The following RMC1 variants were observed in gnomAD, a reference collection of about 807,000 sequenced individuals.
The protein encoded by RMC1 is regulator of MON1-CCZ1.
In RMC1, 44 loss-of-function variants were observed where a neutral mutation model predicts 95.5. The observed-to-expected ratio is 0.46, with a 90% CI of 0.36 to 0.59. RMC1 has a LOEUF of 0.59. RMC1 is among the 20% of genes least tolerant of loss of function. The probability of loss-of-function intolerance (pLI) is 0.00; values close to 1 mark genes in which losing one functional copy is unlikely to be tolerated. For synonymous variants in RMC1, 320 were observed against 303.6 expected (o/e 1.05, Z -0.56); for missense variants, 705 against 819.6 (o/e 0.86, Z 1.71).
chr18:23,528,496 C>T (rs533761380), intron 14 of RMC1: 1 of 153,588 alleles, frequency 6.5e-6, no homozygotes, highest in East Asian at 1.9e-4. Flanking sequence ...TCTGATTAGT[C>T]CTAGGCTGAA....
chr18:23,504,343 T>A (rs2057662235), intron 1 of RMC1, 28 bp from the exon 2 acceptor site: 2 of 1,608,922 alleles, frequency 1.2e-6, no homozygotes, highest in East Asian at 4.5e-5. Context: ...GAGTTCAGGC[T>A]GTTAACCTTG....
chr18:23,521,611 T>C (rs1317720193), intron 10 of RMC1, among the ~76,000 whole-genome samples: 1 of 152,006 alleles, frequency 6.6e-6, no homozygotes, highest in Non-Finnish European at 1.5e-5. Context: ...GGGAAAGAAG[T>C]CATTTATTTG....
chr18:23,529,483 C>A, intron 15 of RMC1, 152 bp from the exon 16 acceptor site: 1 of 1,243,866 alleles, frequency 8.0e-7, no homozygotes, highest in Non-Finnish European at 1.1e-6. Flanking sequence ...TAATTGTTGA[C>A]GGGTGGTTCT....
rs1473768997 is a variant in RMC1 at position 23,531,695 on chromosome 18, A to G, written c.1965A>G (p.Thr655=). Reference sequence around the variant, plus strand: ...GAGACCAAGCTCTAATGAGGCCTACAACATTCTGAAATCACTTGCTGTTTT... The same window carrying G: ...GAGACCAAGCTCTAATGAGGCCTACGACATTCTGAAATCACTTGCTGTTTT... The part of the protein sequence containing the change: ...IFGDQALMRP[T]TF The change falls in exon 20 of 20, where the codon ACA becomes ACG. Residue 655 remains threonine (T), a synonymous_variant. Transcript: ENST00000269221. 4.4e-6 allele frequency: 7 copies of G among 1,607,954 alleles called. No homozygotes were observed. The highest frequency in any genetic ancestry group is 2.2e-5 in the South Asian group (2 of 88,900).
intron 12 of RMC1, 53 bp from the exon 13 acceptor site, chr18:23,526,584 C>T: frequency 1.3e-6 from 2 of 1,589,266 alleles, no homozygotes; most frequent in South Asian, 2.3e-5. Flanking sequence ...CACTTTTGGG[C>T]TTTTGTTACG....
rs1406510100 is a variant in RMC1, at chr18:23,503,582, C to T, written c.-37C>T. On this transcript the variant is annotated 5_prime_UTR_variant, in exon 1 of 20. Transcript: ENST00000269221. Reference sequence around the variant, plus strand: ...GCGCATCCTGCTCCACTCTGGCGACCGCCCCCGGGGCCCCCGCCGCGGGCG... The same window carrying T: ...GCGCATCCTGCTCCACTCTGGCGACTGCCCCCGGGGCCCCCGCCGCGGGCG... 1 of 1,500,998 alleles carries T rather than the reference C, an allele frequency of 6.7e-7. No homozygotes were observed. Among genetic ancestry groups the T allele is most frequent in the Non-Finnish European group, 9.0e-7 (1 of 1,113,364 alleles). 93.0% of individuals were successfully genotyped at this position (1,500,998 alleles called of 1,614,324 possible).
At position 23,509,259 on chromosome 18, in the gene RMC1, C is replaced by G; in HGVS notation, c.388C>G (p.Gln130Glu). 6.9e-7 allele frequency: 1 copy of G among 1,445,964 alleles called. No homozygotes were observed. The highest frequency in any genetic ancestry group is 9.1e-7 in the Non-Finnish European group (1 of 1,094,096). The allele number at this position is 1,445,964 out of a possible 1,614,324, so 89.6% of individuals were successfully genotyped here. Residue 130 changes from glutamine to glutamate, a missense_variant, in exon 5 of 20, where the codon CAA becomes GAA. Physicochemically the swap from Gln to Glu is conservative, Grantham distance 29. Transcript: ENST00000269221. Reference sequence around the variant, plus strand: ...AACTGAAATTGTCTTCATAACAGATCAAGGAATCGAATTTTACCAGGTATT... The same window carrying G: ...AACTGAAATTGTCTTCATAACAGATGAAGGAATCGAATTTTACCAGGTATT... ...SSTEIVFITD[Q>E]GIEFYQVLPE...
intron 12 of RMC1, among the ~76,000 whole-genome samples, chr18:23,525,822 T>C (rs1022589513): frequency 6.6e-6 from 1 of 152,212 alleles, no homozygotes; most frequent in African/African-American, 2.4e-5. Context: ...TGTTACTCTT[T>C]AATCCTCTGT....
intron 3 of RMC1, among the ~76,000 whole-genome samples, chr18:23,507,353 A>G (rs1171665442): frequency 1.3e-5 from 2 of 152,182 alleles, no homozygotes; most frequent in Non-Finnish European, 2.9e-5. Context: ...TCGATCTCTC[A>G]GGCTCAAGTG....
intron 9 of RMC1, among the ~76,000 whole-genome samples, chr18:23,519,625 GT>G (rs1457983975): frequency 2.6e-5 from 4 of 152,150 alleles, no homozygotes; most frequent in Non-Finnish European, 4.4e-5. Context: ...GTCTCAAGTA[GT>G]TTAGAAAAAA....
intron 5 of RMC1, among the ~76,000 whole-genome samples, chr18:23,511,971 A>T (rs2057870265): frequency 6.6e-6 from 1 of 150,770 alleles, no homozygotes; most frequent in African/African-American, 2.4e-5. Context: ...GGAGGACTGG[A>T]TATTATCAGT....
chr18:23,524,533 T>C (rs1184995927), intron 12 of RMC1, 51 bp downstream of exon 12: 2 of 1,582,504 alleles, frequency 1.3e-6, no homozygotes, highest in Non-Finnish European at 1.7e-6. Flanking sequence ...TTGTTGACTT[T>C]GGATCCCAGT....
At chr18:23,516,664 C>T (rs1475197369) in intron 7 of RMC1, among the ~76,000 whole-genome samples, 1 of 151,584 alleles carries the variant, frequency 6.6e-6, no homozygotes, top group African/African-American at 2.4e-5. Context: ...CCTTTCTAGC[C>T]TGATAAAACA....
At chr18:23,530,668 G>T in intron 19 of RMC1, 56 bp downstream of exon 19, 1 of 1,533,474 alleles carries the variant, frequency 6.5e-7, no homozygotes, top group Non-Finnish European at 8.9e-7. Flanking sequence ...GTAGCAGAGG[G>T]CACTGGCAGC....
chr18:23,515,361 C>G (rs1236777276), intron 5 of RMC1, among the ~76,000 whole-genome samples: 3 of 152,078 alleles, frequency 2.0e-5, no homozygotes, highest in African/African-American at 7.2e-5. Flanking sequence ...GCCTCTCAGT[C>G]GTGGCAAAGA....
At chr18:23,521,465 T>C (rs555357222) in intron 10 of RMC1, among the ~76,000 whole-genome samples, 1 of 152,342 alleles carries the variant, frequency 6.6e-6, no homozygotes, top group South Asian at 2.1e-4. Context: ...TGATGATGAA[T>C]ATTGCATTCT....
intron 19 of RMC1, 81 bp downstream of exon 19, chr18:23,530,693 C>T (rs971312775): frequency 2.2e-6 from 3 of 1,340,602 alleles, no homozygotes; most frequent in African/African-American, 2.9e-5. Context: ...GGGCGAGGAC[C>T]CTGGGTTAGC....
intron 3 of RMC1, 143 bp downstream of exon 3, chr18:23,507,197 C>T (rs576903065): frequency 2.1e-6 from 1 of 483,364 alleles, no homozygotes; most frequent in African/African-American, 2.0e-5. Flanking sequence ...TGTATTAGAG[C>T]CTTCAAAAAC....
chr18:23,517,323 T>G (rs2058034631), intron 7 of RMC1, among the ~76,000 whole-genome samples: 1 of 152,092 alleles, frequency 6.6e-6, no homozygotes, highest in African/African-American at 2.4e-5. Context: ...CTAATTTTTG[T>G]ATTTTTAGTA....
Sources: gnomAD v4.1 joint callset for allele counts (sites outside exome capture counted in the v4.1 genomes callset) on GRCh38, gnomAD v4.1.1 for gene constraint, MANE v1.5 for transcripts, NCBI Gene and HGNC (gene_info 2026-07-23, HGNC 2026-07-21) for gene names.